Variants in MYCL observed in about 807,000 individuals in gnomAD.
The protein encoded by MYCL is protein L-Myc.
A neutral mutation model predicts 31.0 loss-of-function variants in MYCL; 11 were observed. That is an observed-to-expected ratio of 0.35 (90% CI 0.22 to 0.59). The LOEUF (loss-of-function observed/expected upper bound fraction) is 0.59. Ranked by LOEUF, MYCL falls within the 20% of genes least tolerant of loss-of-function variation. The probability of loss-of-function intolerance (pLI) is 0.79; values close to 1 mark genes in which losing one functional copy is unlikely to be tolerated. For synonymous variants in MYCL, 208 were observed against 202.4 expected (o/e 1.03, Z -0.23); for missense variants, 427 against 486.1 (o/e 0.88, Z 1.14).
Position 39,897,372 on chromosome 1 carries a change from TTAG to T in MYCL, c.1092_1094del (p.Tyr364del), listed in dbSNP as rs1300508067. The T allele has an allele frequency of 6.3e-7, 1 of 1,586,672 alleles. No homozygotes were observed. The highest frequency in any genetic ancestry group is 1.7e-5 in the Admixed American group (1 of 57,418). On this transcript the variant is annotated inframe_deletion, in exon 2 of 2. Coordinates refer to ENST00000372816, the MANE Select transcript of MYCL (RefSeq NM_001033081.3). This position sits in a 1 kb window ranked among gnomAD's most constrained non-coding sequence, Gnocchi z 4.3. Reference sequence around the variant, plus strand: ...CAGAACTGTCAGGCTTTTTGGTCAGTTAGTAGCCAGTGAGGTATGCAATTCTTT... The same window carrying T: ...CAGAACTGTCAGGCTTTTTGGTCAGTTAGCCAGTGAGGTATGCAATTCTTT...
At chr1:39,898,081 T>C in intron 1 of MYCL, 111 bp from the exon 2 acceptor site, 2 of 1,464,320 alleles carry the variant, frequency 1.4e-6, no homozygotes, top group Non-Finnish European at 1.8e-6. Flanking sequence ...GAGACATTTT[T>C]CCAATTTAGA....
Position 39,897,734 on chromosome 1 carries a change from C to T in MYCL, c.733G>A (p.Glu245Lys), listed in dbSNP as rs749439500. The change falls in exon 2 of 2, where the codon GAA (glutamate) becomes AAA (lysine). Residue 245 changes from glutamate to lysine, a missense_variant. Transcript: ENST00000372816. This position sits in a 1 kb window ranked among gnomAD's most constrained non-coding sequence, Gnocchi z 4.3. ...TCTTCATCCTCCTCATCTTCCTTTT[C>T]CCCTGCAGCATCTCTCTCCAGAACC... ...EEVLERDAAG[E>K]KEDEEDEEIV... is the part of the protein sequence containing the mutation. 1 of 1,614,170 alleles carries T rather than the reference C, an allele frequency of 6.2e-7. No individual in the cohort carries two copies. Among genetic ancestry groups the T allele is most frequent in the Non-Finnish European group, 8.5e-7 (1 of 1,180,030 alleles).
chr1:39,898,209 G>C (rs1644502075), intron 1 of MYCL: 1 of 588,568 alleles, frequency 1.7e-6, no homozygotes, highest in Non-Finnish European at 2.9e-6. Context: ...CTTTTGCACA[G>C]CAAGGCTTAG....
chr1:39,901,501 C>T lies in MYCL; in HGVS notation c.-67G>A, dbSNP rs1644539959. 4 of 1,570,344 alleles carry T rather than the reference C, an allele frequency of 2.5e-6. No individual in the cohort carries two copies. Among genetic ancestry groups the T allele is most frequent in the Non-Finnish European group, 3.4e-6 (4 of 1,167,194 alleles). On this transcript the variant is annotated 5_prime_UTR_variant, in exon 1 of 2. Coordinates refer to ENST00000372816, the MANE Select transcript of MYCL (RefSeq NM_001033081.3). The surrounding 1 kb of genome is among the most constrained non-coding windows in gnomAD (Gnocchi z 6.9). ...GTGCCGGCCGGGCGAAGGAGGTGTCCCCGGGTCCCTCGGCACAGTCGGCTG... is the reference window on the plus strand; with the variant it reads ...GTGCCGGCCGGGCGAAGGAGGTGTCTCCGGGTCCCTCGGCACAGTCGGCTG...
At position 39,901,744 on chromosome 1, in the gene MYCL, G is replaced by T; in HGVS notation, c.-310C>A. 8.2e-7 allele frequency: 1 copy of T among 1,215,748 alleles called. No individual in the cohort carries two copies. Among genetic ancestry groups the T allele is most frequent in the Non-Finnish European group, 1.0e-6 (1 of 979,792 alleles). 75.3% of individuals were successfully genotyped at this position (1,215,748 alleles called of 1,614,324 possible). On this transcript the variant is annotated 5_prime_UTR_variant, in exon 1 of 2. Coordinates refer to ENST00000372816, the MANE Select transcript of MYCL (RefSeq NM_001033081.3). The surrounding 1 kb of genome is among the most constrained non-coding windows in gnomAD (Gnocchi z 6.9). ...GGGCGGGGGCGCGCCGTGCCCAGAA[G>T]GCAGCCTGCAGCCAGCCCGCACCGC...
Position 39,901,706 on chromosome 1 carries a change from G to C in MYCL, c.-272C>G. 8.1e-7 allele frequency: 1 copy of C among 1,227,980 alleles called. No homozygotes were observed. The highest frequency in any genetic ancestry group is 3.2e-5 in the South Asian group (1 of 31,048). The allele number at this position is 1,227,980 out of a possible 1,614,324, so 76.1% of individuals were successfully genotyped here. A position where few individuals can be genotyped will look rare whatever the true frequency, so the allele number is the denominator to read the frequency against. ...CGCCGCCCGGAGCGCAGCTCCCAGG[G>C]CCCGGCGGGGCCGGGCGGGGGCGCG... is the stretch of plus-strand genomic sequence containing the variant. On this transcript the variant is annotated 5_prime_UTR_variant, in exon 1 of 2. Coordinates refer to ENST00000372816, the MANE Select transcript of MYCL (RefSeq NM_001033081.3). The surrounding 1 kb of genome is among the most constrained non-coding windows in gnomAD (Gnocchi z 6.9).
At chr1:39,899,197 C>T (rs943886871) in intron 1 of MYCL, 5 of 515,286 alleles carry the variant, frequency 9.7e-6, no homozygotes, top group South Asian at 8.4e-5. Flanking sequence ...TCCCCACCCC[C>T]CGCCTCATTG....
intron 1 of MYCL, among the ~76,000 whole-genome samples, chr1:39,898,430 G>A (rs1418108590): frequency 6.6e-6 from 1 of 152,236 alleles, no homozygotes; most frequent in Non-Finnish European, 1.5e-5. Flanking sequence ...AGCACAGCCT[G>A]CACTTGGGGA....
rs1644508161 is a variant in MYCL, at chr1:39,898,906, C to T, written c.497-936G>A. 3.0e-6 allele frequency: 3 copies of T among 985,468 alleles called. No homozygotes were observed. The African/African-American group carries it at 5.2e-5, about 17-fold the overall frequency. 61.0% of individuals were successfully genotyped at this position (985,468 alleles called of 1,614,324 possible). On this transcript the variant is annotated intron_variant, in intron 1 of 1. Transcript: ENST00000372816. ...CAATTGGGAGAAAAGTCTCCTCCTGCTCCACACATTTTGCAGCCTCCACAC... is the reference window on the plus strand; with the variant it reads ...CAATTGGGAGAAAAGTCTCCTCCTGTTCCACACATTTTGCAGCCTCCACAC...
chr1:39,900,624 AC>A, intron 1 of MYCL: 1 of 1,265,756 alleles, frequency 7.9e-7, no homozygotes, highest in Non-Finnish European at 1.0e-6. Context: ...CTCTTAAGGT[AC>A]CCCCTTCAAT....
intron 1 of MYCL, chr1:39,900,178 T>C: frequency 1.0e-6 from 1 of 985,470 alleles, no homozygotes; most frequent in Non-Finnish European, 1.2e-6. Context: ...AAGGACACTT[T>C]TCCATCTCAG....
Position 39,901,753 on chromosome 1 carries a change from C to T in MYCL, c.-319G>A, listed in dbSNP as rs1421462524. 1.6e-6 allele frequency: 2 copies of T among 1,214,082 alleles called. No homozygotes were observed. The highest frequency in any genetic ancestry group is 2.8e-5 in the South Asian group (1 of 35,392). The allele number at this position is 1,214,082 out of a possible 1,614,324, so 75.2% of individuals were successfully genotyped here. On this transcript the variant is annotated 5_prime_UTR_variant, in exon 1 of 2. Transcript: ENST00000372816. The surrounding 1 kb of genome is among the most constrained non-coding windows in gnomAD (Gnocchi z 6.9). ...CGCGCCGTGCCCAGAAGGCAGCCTG[C>T]AGCCAGCCCGCACCGCGGGACCCGC...
At chr1:39,900,108 T>A (rs1234288399) in intron 1 of MYCL, 9 of 985,278 alleles carry the variant, frequency 9.1e-6, no homozygotes, top group Non-Finnish European at 1.1e-5. Context: ...TAGGGGCCAG[T>A]GAATATTTGT....
Position 39,897,381 on chromosome 1 carries a change from A to T in MYCL, c.1086T>A (p.Thr362=), listed in dbSNP as rs1446254233. Residue 362 remains threonine, a synonymous_variant, in exon 2 of 2, where the codon ACT becomes ACA. Coordinates refer to ENST00000372816, the MANE Select transcript of MYCL (RefSeq NM_001033081.3). The surrounding 1 kb of genome is among the most constrained non-coding windows in gnomAD (Gnocchi z 4.3). ...CAGGCTTTTTGGTCAGTTAGTAGCC[A>T]GTGAGGTATGCAATTCTTTTCTGCA... ...QQLQKRIAYL[T]GY The T allele has an allele frequency of 6.3e-7, 1 of 1,598,502 alleles. No homozygotes were observed. Among genetic ancestry groups the T allele is most frequent in the Non-Finnish European group, 8.6e-7 (1 of 1,169,254 alleles).
At chr1:39,900,459 T>A in intron 1 of MYCL, 1 of 1,011,288 alleles carries the variant, frequency 9.9e-7, no homozygotes. Flanking sequence ...CATTTATTAT[T>A]GGCATTTTAA....
rs192391835 is a variant in MYCL at position 39,898,766 on chromosome 1, C to T, written c.497-796G>A. 5 of 985,508 alleles carry T rather than the reference C, an allele frequency of 5.1e-6. No homozygotes were observed. In the Admixed American group the frequency reaches 3.1e-4, roughly 60 times the overall value. 61.0% of individuals were successfully genotyped at this position (985,508 alleles called of 1,614,324 possible). A position where few individuals can be genotyped will look rare whatever the true frequency, so the allele number is the denominator to read the frequency against. ...ACCTGCACCAGAGGCAGAGACTGGG[C>T]AGCAGAATGTCCCAGATATGGGGCT... On this transcript the variant is annotated intron_variant, in intron 1 of 1. Transcript: ENST00000372816.
chr1:39,901,464 C>A lies in MYCL; in HGVS notation c.-30G>T, dbSNP rs1444329350. 4 of 1,599,996 alleles carry A rather than the reference C, an allele frequency of 2.5e-6. No homozygotes were observed. In the East Asian group the frequency reaches 8.9e-5, roughly 36 times the overall value. ...GCTCCCTGCGGGAGGGAAGGGGGGACGTGCTGACCGGGTGCCGGCCGGGCG... is the reference window on the plus strand; with the variant it reads ...GCTCCCTGCGGGAGGGAAGGGGGGAAGTGCTGACCGGGTGCCGGCCGGGCG... On this transcript the variant is annotated 5_prime_UTR_variant, in exon 1 of 2. Coordinates refer to ENST00000372816, the MANE Select transcript of MYCL (RefSeq NM_001033081.3). This position sits in a 1 kb window ranked among gnomAD's most constrained non-coding sequence, Gnocchi z 6.9.
chr1:39,901,862 A>G lies in MYCL; in HGVS notation c.-428T>C. On this transcript the variant is annotated 5_prime_UTR_variant, in exon 1 of 2. Coordinates refer to ENST00000372816, the MANE Select transcript of MYCL (RefSeq NM_001033081.3). This position sits in a 1 kb window ranked among gnomAD's most constrained non-coding sequence, Gnocchi z 6.9. ...GACCGGCTCCCCGCCGGCTCGGGGCAGCCCGGCAGCCAGCACACACGCACA... is the reference window on the plus strand; with the variant it reads ...GACCGGCTCCCCGCCGGCTCGGGGCGGCCCGGCAGCCAGCACACACGCACA... 1 of 1,225,132 alleles carries G rather than the reference A, an allele frequency of 8.2e-7. No individual in the cohort carries two copies. The highest frequency in any genetic ancestry group is 1.0e-6 in the Non-Finnish European group (1 of 976,460). The allele number at this position is 1,225,132 out of a possible 1,614,324, so 75.9% of individuals were successfully genotyped here.
chr1:39,899,624 A>T (rs1048494240), intron 1 of MYCL: 36 of 985,258 alleles, frequency 3.7e-5, no homozygotes, highest in Middle Eastern at 5.2e-4. Flanking sequence ...GTAGAGATAC[A>T]TCTTTATTGG....
Sources: gnomAD v4.1 joint callset for allele counts (sites outside exome capture counted in the v4.1 genomes callset) on GRCh38, gnomAD v4.1.1 for gene constraint, Gnocchi (gnomAD v3.1) non-coding constraint, MANE v1.5 for transcripts, NCBI Gene and HGNC (gene_info 2026-07-23, HGNC 2026-07-21) for gene names.